DCC: variants seen among roughly 807,000 people sequenced by gnomAD.
DCC encodes the protein netrin receptor DCC.
Under a neutral mutation model 172.5 loss-of-function variants are expected in DCC, and 58 were observed. That is an observed-to-expected ratio of 0.34 (90% CI 0.27 to 0.42). The LOEUF is 0.42. Among genes scored for constraint, DCC ranks in the 10% least tolerant of loss-of-function variants. DCC has a pLI of 1.00. For missense variants in DCC, 1,740 were observed against 1,791.0 expected, an observed-to-expected ratio of 0.97 and a Z score of 0.51; for synonymous variants, 709 against 644.5, an observed-to-expected ratio of 1.10 and a Z score of -1.52.
At chr18:52,370,870 T>G (rs1985091919) in intron 1 of DCC, among the ~76,000 whole-genome samples, 1 of 152,250 alleles carries the variant, frequency 6.6e-6, no homozygotes, top group East Asian at 1.9e-4. Flanking sequence ...GATGGCAGAG[T>G]GTCTCAAGGA....
At chr18:52,619,677 T>C (rs2034445448) in intron 1 of DCC, among the ~76,000 whole-genome samples, 1 of 152,194 alleles carries the variant, frequency 6.6e-6, no homozygotes, top group Non-Finnish European at 1.5e-5. Flanking sequence ...TATGTCCTTA[T>C]TATGTGTAAA....
intron 1 of DCC, among the ~76,000 whole-genome samples, chr18:52,701,716 T>TG (rs2036125655): frequency 4.1e-5 from 1 of 24,564 alleles, no homozygotes; most frequent in Admixed American, 5.6e-4. Flanking sequence ...TTTATTATGT[T>TG]GGACTTTGTC....
chr18:52,976,113 T>G (rs1285880698), intron 5 of DCC, among the ~76,000 whole-genome samples: 20 of 152,210 alleles, frequency 1.3e-4, no homozygotes, highest in Non-Finnish European at 8.8e-5. Context: ...TGATCAGTGG[T>G]GAGCCTTTTA....
At chr18:53,113,430 T>C (rs1213038694) in intron 7 of DCC, among the ~76,000 whole-genome samples, 2 of 151,482 alleles carry the variant, frequency 1.3e-5, no homozygotes, top group African/African-American at 4.8e-5. Flanking sequence ...GGAAATCTCA[T>C]AATCTTACCT....
intron 8 of DCC, among the ~76,000 whole-genome samples, chr18:53,160,022 GA>G (rs1435186643): frequency 1.3e-5 from 2 of 152,132 alleles, no homozygotes; most frequent in African/African-American, 4.8e-5. Context: ...GGAGGATGAG[GA>G]AGAGAAAGGG....
chr18:52,958,111 A>C (rs2040776916), intron 5 of DCC, among the ~76,000 whole-genome samples: 1 of 152,174 alleles, frequency 6.6e-6, no homozygotes, highest in African/African-American at 2.4e-5. Context: ...GGAGTGAGGA[A>C]GCTTTGTTTA....
chr18:52,692,716 G>A (rs1006729302), intron 1 of DCC, among the ~76,000 whole-genome samples: 1 of 152,118 alleles, frequency 6.6e-6, no homozygotes. Flanking sequence ...AGCAGCGTGA[G>A]CCACCACACC....
intron 1 of DCC, among the ~76,000 whole-genome samples, chr18:52,517,091 A>G: frequency 6.6e-6 from 1 of 152,190 alleles, no homozygotes; most frequent in East Asian, 1.9e-4. Context: ...CTCTACACTC[A>G]TTTCAGGAAG....
intron 2 of DCC, among the ~76,000 whole-genome samples, chr18:52,836,887 G>A (rs1377417078): frequency 3.9e-5 from 6 of 152,210 alleles, no homozygotes; most frequent in Non-Finnish European, 7.3e-5. Flanking sequence ...GTTCTCCATA[G>A]GGCTCTGCCT....
At chr18:52,419,258 G>C (rs1987163345) in intron 1 of DCC, 1 of 152,176 alleles carries the variant, frequency 6.6e-6, no homozygotes, top group African/African-American at 2.4e-5. Context: ...GGGTGTTGGA[G>C]AGTCCAGTGC....
intron 7 of DCC, among the ~76,000 whole-genome samples, chr18:53,097,717 A>T (rs2043107317): frequency 6.6e-6 from 1 of 152,172 alleles, no homozygotes; most frequent in Admixed American, 6.5e-5. Flanking sequence ...ATTAATATGC[A>T]GGCAAATTCA....
In DCC at chr18:53,450,523, C is replaced by A. The variant is rs1274304865; in HGVS notation, c.3253C>A (p.Pro1085Thr). 7 of 1,613,808 alleles carry A rather than the reference C, an allele frequency of 4.3e-6. No individual in the cohort carries two copies. Among genetic ancestry groups the A allele is most frequent in the Non-Finnish European group, 5.1e-6 (6 of 1,179,984 alleles). Residue 1085 changes from proline (P) to threonine (T), a missense_variant, in exon 23 of 29, where the codon CCC becomes ACC. By Grantham distance (38) the Pro-to-Thr change is conservative. This residue lies in a region of DCC where 1,732 missense variants were observed against 1,767.4 expected (regional missense o/e 0.98). Coordinates refer to ENST00000442544, the MANE Select transcript of DCC (RefSeq NM_005215.4). ...AGAGCCGCCAATTGGACAAATGCAC[C>A]CCCCGCATGGCAGTGTCACTCCTCA... ...LNEPPIGQMH[P>T]PHGSVTPQKN...
intron 1 of DCC, among the ~76,000 whole-genome samples, chr18:52,641,263 A>G (rs1281639582): frequency 6.6e-6 from 1 of 152,220 alleles, no homozygotes; most frequent in Non-Finnish European, 1.5e-5. Context: ...TAAAAATTCT[A>G]TAAGACAACA....
At chr18:53,488,221 C>T (rs1191237447) in intron 26 of DCC, among the ~76,000 whole-genome samples, 2 of 152,064 alleles carry the variant, frequency 1.3e-5, no homozygotes, top group Non-Finnish European at 2.9e-5. Context: ...CCTGTCTCTT[C>T]TAAATTAGTT....
intron 1 of DCC, among the ~76,000 whole-genome samples, chr18:52,616,190 G>A (rs569400742): frequency 2.6e-5 from 4 of 152,144 alleles, no homozygotes; most frequent in East Asian, 1.9e-4. Flanking sequence ...TTCAGAATTC[G>A]AACTAGGATA....
At chr18:52,510,025 A>G (rs2031375688) in intron 1 of DCC, among the ~76,000 whole-genome samples, 3 of 151,222 alleles carry the variant, frequency 2.0e-5, no homozygotes. Context: ...AATCGCTTGA[A>G]CCCAGGAGGC....
rs1038867969 is a variant in DCC, at chr18:52,890,950, C to T, written c.413-15094C>T. 7.2e-5 allele frequency among the ~76,000 whole-genome samples: 11 copies of T among 151,988 alleles called. No homozygotes were observed. In the South Asian group the frequency reaches 1.5e-3, roughly 20 times the overall value. On this transcript the variant is annotated intron_variant, in intron 2 of 28. Coordinates refer to ENST00000442544, the MANE Select transcript of DCC (RefSeq NM_005215.4). ...TCTTGATCTTCTCTTCCTTGAAAAG[C>T]GGAATGACTTTAAAATAGCAATATT...
chr18:53,445,374 C>T (rs1250122189), intron 22 of DCC, among the ~76,000 whole-genome samples: 1 of 152,184 alleles, frequency 6.6e-6, no homozygotes, highest in Non-Finnish European at 1.5e-5. Context: ...TTTCATTGGA[C>T]CTCTTTCCTT....
At chr18:53,237,497 A>T (rs2056223879) in intron 12 of DCC, among the ~76,000 whole-genome samples, 1 of 152,158 alleles carries the variant, frequency 6.6e-6, no homozygotes, top group Admixed American at 6.6e-5. Flanking sequence ...GGTCACAGCC[A>T]ATCAGTAGTC....
Sources: allele counts gnomAD v4.1 joint callset (sites outside exome capture counted in the v4.1 genomes callset), GRCh38; gene constraint gnomAD v4.1.1; regional missense constraint gnomAD v4.1.1; transcripts MANE v1.5; gene names NCBI Gene and HGNC (gene_info 2026-07-23, HGNC 2026-07-21).